Variants in PPM1G observed in about 807,000 individuals in gnomAD.
The protein encoded by PPM1G is protein phosphatase, Mg2+/Mn2+ dependent 1G.
A neutral mutation model predicts 59.4 loss-of-function variants in PPM1G; 12 were observed. The ratio of observed to expected loss-of-function variants is 0.20; its 90% confidence interval spans 0.13 to 0.33. PPM1G has a LOEUF of 0.33. Ranked by LOEUF, PPM1G falls within the 10% of genes least tolerant of loss-of-function variation. The probability of loss-of-function intolerance (pLI) is 1.00; values close to 1 mark genes in which losing one functional copy is unlikely to be tolerated. For missense variants in PPM1G, 392 were observed against 681.3 expected (o/e 0.58, Z 4.73); for synonymous variants, 245 against 251.9 (o/e 0.97, Z 0.26).
At position 27,383,950 on chromosome 2, in the gene PPM1G, A is replaced by C. The variant is rs1572659869; in HGVS notation, c.966+2T>G. ...GACTCATTGCTCCCCTTCCCCACAC[A>C]CCTCCTCTTTGCCTTCCATCCCTGG... On this transcript the variant is annotated splice_donor_variant, in intron 6 of 9. Coordinates refer to ENST00000344034, the MANE Select transcript of PPM1G (RefSeq NM_177983.3). LOFTEE classifies it high-confidence loss of function. The surrounding 1 kb of genome is among the most constrained non-coding windows in gnomAD (Gnocchi z 5.0). 6.4e-7 allele frequency: 1 copy of C among 1,551,054 alleles called. No individual in the cohort carries two copies. The highest frequency in any genetic ancestry group is 2.4e-5 in the East Asian group (1 of 41,030).
chr2:27,382,774 G>A lies in PPM1G; in HGVS notation c.1202-169C>T, dbSNP rs1327709450. On this transcript the variant is annotated intron_variant, in intron 7 of 9. Transcript: ENST00000344034. This position sits in a 1 kb window ranked among gnomAD's most constrained non-coding sequence, Gnocchi z 4.2. ...TTTTCTAGTTTCAACCCTGCCACCA[G>A]ACTGCTGAACCTTAAGAAAGTCACT... Among the ~76,000 whole-genome samples the A allele has an allele frequency of 6.6e-6, 1 of 151,918 alleles. No individual in the cohort carries two copies. The highest frequency in any genetic ancestry group is 1.5e-5 in the Non-Finnish European group (1 of 67,992).
At chr2:27,392,286 GTTTTTTTT>G (rs70953857) in intron 1 of PPM1G, among the ~76,000 whole-genome samples, 6 of 70,446 alleles carry the variant, frequency 8.5e-5, no homozygotes, top group African/African-American at 3.7e-4. Flanking sequence ...GGTTTGTTTT[GTTTTTTTT>G]TTTTTTTTTT....
At chr2:27,406,451 A>T (rs1663362957) in intron 1 of PPM1G, among the ~76,000 whole-genome samples, 1 of 152,226 alleles carries the variant, frequency 6.6e-6, no homozygotes, top group East Asian at 1.9e-4. Flanking sequence ...GGATTTGATT[A>T]GGCATATTTA....
At chr2:27,399,176 C>CA (rs1553314100) in intron 1 of PPM1G, among the ~76,000 whole-genome samples, 7 of 144,384 alleles carry the variant, frequency 4.8e-5, no homozygotes, top group African/African-American at 1.8e-4. Context: ...ACAACAAAAA[C>CA]AAAACAAAAA....
chr2:27,383,917 C>CT lies in PPM1G; in HGVS notation c.966+34dup. 6.4e-7 allele frequency: 1 copy of CT among 1,551,076 alleles called. No homozygotes were observed. Among genetic ancestry groups the CT allele is most frequent in the Non-Finnish European group, 8.7e-7 (1 of 1,146,544 alleles). On this transcript the variant is annotated intron_variant, in intron 6 of 9. Coordinates refer to ENST00000344034, the MANE Select transcript of PPM1G (RefSeq NM_177983.3). The surrounding 1 kb of genome is among the most constrained non-coding windows in gnomAD (Gnocchi z 5.0). The stretch of plus-strand genomic sequence containing the variant: ...TAGGGGATTCACACCTGCCTTGTGG[C>CT]TTTTCAAGACTCATTGCTCCCCTTC...
chr2:27,409,448 G>A lies in PPM1G; in HGVS notation c.-26C>T, dbSNP rs759372320. 12 of 1,489,468 alleles carry A rather than the reference G, an allele frequency of 8.1e-6. No homozygotes were observed. Among genetic ancestry groups the A allele is most frequent in the South Asian group, 7.7e-5 (6 of 78,054 alleles). 92.3% of individuals were successfully genotyped at this position (1,489,468 alleles called of 1,614,324 possible). ...GGCGGCGGCTGGCCGGCGGCCTCAG[G>A]TGCAGGAAAGCTGGGCGCGACCCGT... On this transcript the variant is annotated 5_prime_UTR_variant, in exon 1 of 10. Transcript: ENST00000344034.
intron 1 of PPM1G, among the ~76,000 whole-genome samples, chr2:27,393,955 G>A (rs574598733): frequency 3.9e-5 from 6 of 152,222 alleles, no homozygotes; most frequent in African/African-American, 1.4e-4. Context: ...GCAGAGACGG[G>A]GTTTCACCGT....
chr2:27,393,346 G>A (rs973894812), intron 1 of PPM1G: 1 of 1,595,822 alleles, frequency 6.3e-7, no homozygotes, highest in Non-Finnish European at 8.5e-7. Context: ...TGGCGCACCT[G>A]CGAGGTAGAC....
chr2:27,409,176 C>T, intron 1 of PPM1G, 127 bp downstream of exon 1: 2 of 1,339,902 alleles, frequency 1.5e-6, no homozygotes, highest in Non-Finnish European at 1.9e-6. Context: ...TGTCGCCCCG[C>T]AAACGGCCGC....
Position 27,381,737 on chromosome 2 carries a change from G to A in PPM1G, c.1503C>T (p.Ile501=). 6.2e-7 allele frequency: 1 copy of A among 1,613,872 alleles called. No individual in the cohort carries two copies. Among genetic ancestry groups the A allele is most frequent in the Non-Finnish European group, 8.5e-7 (1 of 1,180,018 alleles). ...DGTGCDNMTC[I]IICFKPRNTA... is the part of the protein sequence containing the mutation. ...TGTTTCGGGGCTTGAAGCAAATGAT[G>A]ATGCAGGTCATGTTGTCACACCCTG... The change falls in exon 10 of 10, where the codon ATC becomes ATT. Residue 501 remains isoleucine (I), a synonymous_variant. Coordinates refer to ENST00000344034, the MANE Select transcript of PPM1G (RefSeq NM_177983.3).
In PPM1G at chr2:27,382,528, G is replaced by C. The variant is rs1190329176; in HGVS notation, c.1279C>G (p.Leu427Val). Residue 427 changes from leucine to valine, a missense_variant, in exon 8 of 10, where the codon CTG becomes GTG. This residue lies in a region of PPM1G where 53 missense variants were observed against 175.4 expected (regional missense o/e 0.30). Transcript: ENST00000344034. The surrounding 1 kb of genome is among the most constrained non-coding windows in gnomAD (Gnocchi z 4.2). ...AATTCATGGTCGTCAGTGAGAGTCAGCACCTTGATGTCAGGAAGGGCTGAA... is the reference window on the plus strand; with the variant it reads ...AATTCATGGTCGTCAGTGAGAGTCACCACCTTGATGTCAGGAAGGGCTGAA... Reference protein sequence around the residue: ...MISALPDIKVLTLTDDHEFMV... With the variant: ...MISALPDIKVVTLTDDHEFMV... 6.2e-7 allele frequency: 1 copy of C among 1,614,090 alleles called. No individual in the cohort carries two copies. The highest frequency in any genetic ancestry group is 2.2e-5 in the East Asian group (1 of 44,894).
intron 1 of PPM1G, among the ~76,000 whole-genome samples, chr2:27,407,907 C>T (rs1364355690): frequency 6.6e-6 from 1 of 151,916 alleles, no homozygotes; most frequent in African/African-American, 2.4e-5. Flanking sequence ...ATAAGCCAGG[C>T]GTGGTGGCAC....
At chr2:27,393,402 T>C in intron 1 of PPM1G, 1 of 1,362,824 alleles carries the variant, frequency 7.3e-7, no homozygotes, top group Non-Finnish European at 1.0e-6. Flanking sequence ...GCAGCGGCAG[T>C]GGTGGCTACG....
intron 1 of PPM1G, among the ~76,000 whole-genome samples, chr2:27,395,732 C>A (rs991890911): frequency 2.0e-5 from 3 of 151,124 alleles, no homozygotes; most frequent in African/African-American, 4.9e-5. Context: ...GCAGTCCCAC[C>A]TATGTGGAGG....
intron 1 of PPM1G, among the ~76,000 whole-genome samples, chr2:27,387,427 A>G (rs887536581): frequency 4.6e-5 from 7 of 152,194 alleles, no homozygotes; most frequent in Admixed American, 1.3e-4. Flanking sequence ...AGATGGCAGA[A>G]TATTTGGCTA....
At chr2:27,402,970 C>A (rs1256064677) in intron 1 of PPM1G, among the ~76,000 whole-genome samples, 6 of 150,122 alleles carry the variant, frequency 4.0e-5, no homozygotes, top group African/African-American at 1.5e-4. Flanking sequence ...CTATATTAGG[C>A]TGAGGCTGGA....
intron 1 of PPM1G, among the ~76,000 whole-genome samples, chr2:27,390,643 GTTTT>G (rs748549956): frequency 1.0e-4 from 15 of 149,724 alleles, no homozygotes; most frequent in South Asian, 4.2e-4. Flanking sequence ...AACCATGTCA[GTTTT>G]TTTTTTATTT....
intron 1 of PPM1G, among the ~76,000 whole-genome samples, chr2:27,400,172 G>A (rs543016469): frequency 1.1e-4 from 16 of 150,624 alleles, no homozygotes; most frequent in African/African-American, 3.2e-4. Flanking sequence ...CGAGGCAGGC[G>A]GATTGCCTGA....
At chr2:27,392,286 GTTTTTTTTT>G (rs70953857) in intron 1 of PPM1G, among the ~76,000 whole-genome samples, 1 of 70,446 alleles carries the variant, frequency 1.4e-5, no homozygotes, top group Non-Finnish European at 2.7e-5. Context: ...GGTTTGTTTT[GTTTTTTTTT>G]TTTTTTTTTT....
Sources: allele counts gnomAD v4.1 joint callset (sites outside exome capture counted in the v4.1 genomes callset), GRCh38; gene constraint gnomAD v4.1.1; regional missense constraint gnomAD v4.1.1; non-coding constraint Gnocchi (gnomAD v3.1); transcripts MANE v1.5; gene names NCBI Gene and HGNC (gene_info 2026-07-23, HGNC 2026-07-21).